Variants in DHX32 observed in about 807,000 individuals in gnomAD.
DHX32 encodes the protein DEAH-box helicase 32 (putative), also known as putative pre-mRNA-splicing factor ATP-dependent RNA helicase DHX32.
A neutral mutation model predicts 70.0 loss-of-function variants in DHX32; 51 were observed. The observed-to-expected ratio is 0.73, with a 90% CI of 0.58 to 0.92. DHX32 has a LOEUF of 0.92. Among genes scored for constraint, DHX32 ranks in the 40% least tolerant of loss-of-function variants. DHX32 has a pLI of 0.00. For synonymous variants in DHX32, 310 were observed against 315.3 expected (o/e 0.98, Z 0.18); for missense variants, 762 against 891.8 (o/e 0.85, Z 1.85).
chr10:125,840,966 C>G lies in DHX32; in HGVS notation c.1574G>C (p.Gly525Ala), dbSNP rs772727338. ...APNCFSHVPH[G>A]AEEAALTCWK... is the part of the protein sequence containing the mutation. ...ACAAGTCAAGGCAGCCTCTTCAGCT[C>G]CATGTGGCACATGTGAAAAGCAATT... is the stretch of plus-strand genomic sequence containing the variant. Residue 525 changes from glycine (G) to alanine (A), a missense_variant, in exon 8 of 11, where the codon GGA becomes GCA. Physicochemically the swap from Gly to Ala is moderately conservative, Grantham distance 60. Around this residue, in one of 3 missense-constraint regions of DHX32, gnomAD observed 366 missense variants for 402.6 expected, o/e 0.91. Coordinates refer to ENST00000284690, the MANE Select transcript of DHX32 (RefSeq NM_018180.3). 6 of 1,607,060 alleles carry G rather than the reference C, an allele frequency of 3.7e-6. No individual in the cohort carries two copies. The Admixed American group carries it at 1.0e-4, about 27-fold the overall frequency.
In DHX32 at chr10:125,839,120, G is replaced by A. The variant is rs771082972; in HGVS notation, c.1762C>T (p.Arg588Ter). ...CSALRMADVI[R>*]AELLEIIKRI... ...TTGATAATTTCTAAGAGTTCAGCTC[G>A]AATAACATCTGCCATTCTGAGTGCT... Residue 588 changes from arginine to a stop codon, truncating the protein, a stop_gained, in exon 9 of 11, where the codon CGA becomes TGA. Coordinates refer to ENST00000284690, the MANE Select transcript of DHX32 (RefSeq NM_018180.3). LOFTEE classifies it high-confidence loss of function. 5 of 1,614,082 alleles carry A rather than the reference G, an allele frequency of 3.1e-6. No homozygotes were observed. The highest frequency in any genetic ancestry group is 2.5e-6 in the Non-Finnish European group (3 of 1,180,040).
intron 4 of DHX32, chr10:125,853,060 A>G (rs1589709918): frequency 2.5e-6 from 3 of 1,181,418 alleles, no homozygotes; most frequent in East Asian, 2.4e-5. Flanking sequence ...ACACATACTG[A>G]GAGTTCCAAT....
intron 2 of DHX32, among the ~76,000 whole-genome samples, chr10:125,860,752 ATTTT>A (rs397747204): frequency 8.9e-6 from 1 of 111,820 alleles, no homozygotes; most frequent in African/African-American, 3.5e-5. Flanking sequence ...AACCAATCCC[ATTTT>A]TTTTTTTTTT....
intron 2 of DHX32, among the ~76,000 whole-genome samples, chr10:125,865,921 C>T (rs1944217693): frequency 6.6e-6 from 1 of 152,232 alleles, no homozygotes; most frequent in African/African-American, 2.4e-5. Context: ...GTTTACCGAA[C>T]ATCCTCCTGG....
At chr10:125,853,480 A>G (rs1468047319) in intron 4 of DHX32, 3 of 253,484 alleles carry the variant, frequency 1.2e-5, no homozygotes, top group Admixed American at 5.4e-5. Flanking sequence ...TTTATCGTCA[A>G]TTATAAGCCA....
chr10:125,840,776 C>T (rs1810307099), intron 8 of DHX32, 71 bp downstream of exon 8: 4 of 1,458,014 alleles, frequency 2.7e-6, no homozygotes, highest in Non-Finnish European at 3.7e-6. Flanking sequence ...TGATGAATAA[C>T]TAATAAGGAC....
In DHX32 at chr10:125,866,678, C is replaced by T. The variant is rs1057388236; in HGVS notation, c.476+312G>A. 7.9e-5 allele frequency among the ~76,000 whole-genome samples: 12 copies of T among 152,216 alleles called. No homozygotes were observed. Among genetic ancestry groups the T allele is most frequent in the Admixed American group, 1.3e-4 (2 of 15,278 alleles). On this transcript the variant is annotated intron_variant, in intron 2 of 10. Transcript: ENST00000284690. This position sits in a 1 kb window ranked among gnomAD's most constrained non-coding sequence, Gnocchi z 4.8. Reference sequence around the variant, plus strand: ...GTGCTCCAGGTGTCCATGTGGCTTGCACACAGGCAATGATGTGGACCCTGC... The same window carrying T: ...GTGCTCCAGGTGTCCATGTGGCTTGTACACAGGCAATGATGTGGACCCTGC...
In DHX32 at chr10:125,866,812, T is replaced by TC. The variant is rs1200552430; in HGVS notation, c.476+177dup. Among the ~76,000 whole-genome samples the TC allele has an allele frequency of 6.6e-6, 1 of 152,246 alleles. No individual in the cohort carries two copies. Among genetic ancestry groups the TC allele is most frequent in the African/African-American group, 2.4e-5 (1 of 41,472 alleles). ...TCATGGGATACATTTAGACAAGGAA[T>TC]CCCAGATGATGCCAGTGTGGGAAAG... On this transcript the variant is annotated intron_variant, in intron 2 of 10. Transcript: ENST00000284690. This position sits in a 1 kb window ranked among gnomAD's most constrained non-coding sequence, Gnocchi z 4.8.
intron 9 of DHX32, 97 bp from the exon 10 acceptor site, chr10:125,838,484 G>T: frequency 8.6e-7 from 1 of 1,168,156 alleles, no homozygotes; most frequent in Non-Finnish European, 1.2e-6. Context: ...TATTTTATAC[G>T]GGATAGTTAA....
chr10:125,894,979 G>A (rs1944429459), intron 1 of DHX32, among the ~76,000 whole-genome samples: 1 of 152,304 alleles, frequency 6.6e-6, no homozygotes, highest in Non-Finnish European at 1.5e-5. Flanking sequence ...GTTCCATGAA[G>A]TGTTTACTTT....
At chr10:125,884,789 G>T (rs928552147), upstream of DHX32, among the ~76,000 whole-genome samples, 1 of 147,620 alleles carries the variant, frequency 6.8e-6, no homozygotes, top group East Asian at 2.0e-4. Flanking sequence ...TCTTTTGTGT[G>T]TTTTTTTTTT....
At position 125,866,012 on chromosome 10, in the gene DHX32, A is replaced by G. The variant is rs1944218202; in HGVS notation, c.476+978T>C. Among the ~76,000 whole-genome samples, 1 of 152,156 alleles carries G rather than the reference A, an allele frequency of 6.6e-6. No individual in the cohort carries two copies. Among genetic ancestry groups the G allele is most frequent in the Admixed American group, 6.5e-5 (1 of 15,278 alleles). ...GTTACAGAAAAGCAGAGCTTCCCCA[A>G]TGCTGTGCGTGGCACACTGTATGCC... On this transcript the variant is annotated intron_variant, in intron 2 of 10. Transcript: ENST00000284690. The surrounding 1 kb of genome is among the most constrained non-coding windows in gnomAD (Gnocchi z 4.8).
At chr10:125,877,618 G>A (rs955875378) in intron 1 of DHX32, among the ~76,000 whole-genome samples, 3 of 152,142 alleles carry the variant, frequency 2.0e-5, no homozygotes, top group East Asian at 1.9e-4. Context: ...ACCGGGAGAC[G>A]GAGGTCATAG....
At chr10:125,848,065 G>A (rs558218929) in intron 6 of DHX32, among the ~76,000 whole-genome samples, 1 of 152,224 alleles carries the variant, frequency 6.6e-6, no homozygotes, top group Non-Finnish European at 1.5e-5. Flanking sequence ...GAAAAATGCA[G>A]TTATCACTTA....
chr10:125,861,047 C>T (rs535336709), intron 2 of DHX32, among the ~76,000 whole-genome samples: 1 of 151,920 alleles, frequency 6.6e-6, no homozygotes, highest in Admixed American at 6.5e-5. Context: ...CCACCGCGCC[C>T]GGCCCCAATC....
chr10:125,857,024 CATG>C (rs975733495), intron 3 of DHX32, among the ~76,000 whole-genome samples: 6 of 152,188 alleles, frequency 3.9e-5, no homozygotes, highest in African/African-American at 1.4e-4. Flanking sequence ...TTTGTTTTCA[CATG>C]ATATTTAAGT....
At chr10:125,853,186 A>G in intron 4 of DHX32, 5 of 1,613,364 alleles carry the variant, frequency 3.1e-6, no homozygotes, top group Non-Finnish European at 4.2e-6. Context: ...TTCAATCAAG[A>G]TCAACTCTAA....
chr10:125,889,839 A>C, intron 1 of DHX32, among the ~76,000 whole-genome samples: 1 of 152,414 alleles, frequency 6.6e-6, no homozygotes, highest in African/African-American at 2.4e-5. Flanking sequence ...TTTCATTTAA[A>C]CTCTTAAGGA....
At chr10:125,892,023 AACT>A (rs376281744) in intron 1 of DHX32, among the ~76,000 whole-genome samples, 2 of 152,160 alleles carry the variant, frequency 1.3e-5, no homozygotes, top group Admixed American at 1.3e-4. Context: ...CCACATGTCC[AACT>A]ACTACTACTT....
Sources: gnomAD v4.1 joint callset for allele counts (sites outside exome capture counted in the v4.1 genomes callset) on GRCh38, gnomAD v4.1.1 for gene constraint, gnomAD v4.1.1 regional missense constraint, Gnocchi (gnomAD v3.1) non-coding constraint, MANE v1.5 for transcripts, NCBI Gene and HGNC (gene_info 2026-07-23, HGNC 2026-07-21) for gene names.